FOCAD: variants seen among roughly 807,000 people sequenced by gnomAD.
FOCAD encodes KIAA1797.
FOCAD carries 198 observed loss-of-function variants against 225.6 expected under a neutral mutation model. The ratio of observed to expected loss-of-function variants is 0.88; its 90% confidence interval spans 0.78 to 0.99. FOCAD has a LOEUF of 0.99. Among genes scored for constraint, FOCAD ranks in the 50% least tolerant of loss-of-function variants. The pLI, the probability that FOCAD is intolerant of heterozygous loss-of-function variation, is 0.00. For synonymous variants in FOCAD, 897 were observed against 755.0 expected (o/e 1.19, Z -3.08); for missense variants, 2,713 against 2,123.6 (o/e 1.28, Z -5.46).
chr9:20,840,681 G>T (rs553466603), intron 15 of FOCAD, among the ~76,000 whole-genome samples: 1 of 151,052 alleles, frequency 6.6e-6, no homozygotes, highest in Non-Finnish European at 1.5e-5. Flanking sequence ...TGCAAAATAA[G>T]GTAATTTGAC....
At chr9:20,771,488 G>A (rs1046814544) in intron 8 of FOCAD, among the ~76,000 whole-genome samples, 3 of 152,212 alleles carry the variant, frequency 2.0e-5, no homozygotes, top group Non-Finnish European at 4.4e-5. Flanking sequence ...GTTGGGTGCA[G>A]TGGCTCTCAC....
intron 1 of FOCAD, among the ~76,000 whole-genome samples, chr9:20,693,602 A>G (rs1208571880): frequency 6.6e-6 from 1 of 152,230 alleles, no homozygotes; most frequent in East Asian, 1.9e-4. Context: ...AAGGTACTGC[A>G]ACCTTTTTCA....
At chr9:20,742,857 A>G (rs1377216666) in intron 5 of FOCAD, among the ~76,000 whole-genome samples, 3 of 152,238 alleles carry the variant, frequency 2.0e-5, no homozygotes, top group East Asian at 1.9e-4. Context: ...AATTGGATAC[A>G]TAGGCTTGTC....
At chr9:20,911,252 T>C (rs957775120) in intron 22 of FOCAD, among the ~76,000 whole-genome samples, 1 of 152,090 alleles carries the variant, frequency 6.6e-6, no homozygotes, top group African/African-American at 2.4e-5. Flanking sequence ...ATTGATATGA[T>C]TGAAGCAAAT....
intron 18 of FOCAD, among the ~76,000 whole-genome samples, chr9:20,872,584 C>T (rs1233939480): frequency 2.0e-5 from 3 of 149,796 alleles, no homozygotes; most frequent in African/African-American, 4.9e-5. Flanking sequence ...CTCCCTCTCT[C>T]CCTCCATAGC....
chr9:20,841,543 CAT>C (rs754514110), intron 15 of FOCAD, among the ~76,000 whole-genome samples: 38 of 151,844 alleles, frequency 2.5e-4, no homozygotes, highest in Non-Finnish European at 4.4e-4. Flanking sequence ...AATTTATTGT[CAT>C]ATAGTTGCTC....
chr9:20,796,671 T>G (rs951784268), intron 11 of FOCAD, among the ~76,000 whole-genome samples: 1 of 152,232 alleles, frequency 6.6e-6, no homozygotes, highest in Admixed American at 6.5e-5. Flanking sequence ...TGTTTGTTTT[T>G]TTCTTGTAAA....
chr9:20,843,130 A>G (rs1249602945), intron 15 of FOCAD, among the ~76,000 whole-genome samples: 1 of 152,062 alleles, frequency 6.6e-6, no homozygotes, highest in Non-Finnish European at 1.5e-5. Flanking sequence ...TCAAGATATG[A>G]GTAGTGTACA....
intron 35 of FOCAD, among the ~76,000 whole-genome samples, chr9:20,969,093 ATCTGT>A (rs1475791509): frequency 4.6e-5 from 7 of 152,032 alleles, no homozygotes; most frequent in Admixed American, 1.3e-4. Flanking sequence ...TTTTTTGGAA[ATCTGT>A]TCTTGATTTC....
At chr9:20,791,108 A>G (rs1414375804) in intron 11 of FOCAD, among the ~76,000 whole-genome samples, 1 of 152,150 alleles carries the variant, frequency 6.6e-6, no homozygotes, top group Non-Finnish European at 1.5e-5. Context: ...TAATGCAGAT[A>G]ATGCCTGGAG....
In FOCAD at chr9:20,693,029, G is replaced by T. The variant is rs573872659; in HGVS notation, c.-33+8736G>T. Among the ~76,000 whole-genome samples, 5 of 152,270 alleles carry T rather than the reference G, an allele frequency of 3.3e-5. No homozygotes were observed. In the South Asian group the frequency reaches 1.0e-3, roughly 32 times the overall value. On this transcript the variant is annotated intron_variant, in intron 1 of 43. Coordinates refer to ENST00000338382, the MANE Select transcript of FOCAD (RefSeq NM_001375567.1). ...AGCCAGAGTGATTTTATAAAAACGT[G>T]AGTTAGATCTCTTCTCTGCCCCAAA... is the stretch of plus-strand genomic sequence containing the variant.
At chr9:20,787,119 C>G (rs115298797) in intron 10 of FOCAD, 3 of 231,958 alleles carry the variant, frequency 1.3e-5, no homozygotes, top group South Asian at 1.0e-4. Context: ...AACTTAAGAG[C>G]CTAAACCTGG....
intron 41 of FOCAD, among the ~76,000 whole-genome samples, chr9:20,989,502 A>C (rs572622679): frequency 1.3e-5 from 2 of 152,276 alleles, no homozygotes; most frequent in South Asian, 4.1e-4. Flanking sequence ...ATCTAAATGG[A>C]TAGATCCTGG....
Position 20,948,896 on chromosome 9 carries a change from G to C in FOCAD, c.3844G>C (p.Ala1282Pro), listed in dbSNP as rs965510356. The change falls in exon 32 of 44, where the codon GCC (alanine) becomes CCC (proline). Residue 1282 changes from alanine (A) to proline (P), a missense_variant. Transcript: ENST00000338382. ...TCTGGCAGCTCTTCATGGCATGGTG[G>C]CCTTGGTAGGCTCTGAAGGGGATGT... ...LCLAALHGMV[A>P]LVGSEGDVMQ... The C allele has an allele frequency of 6.2e-7, 1 of 1,613,404 alleles. No individual in the cohort carries two copies. Among genetic ancestry groups the C allele is most frequent in the Admixed American group, 1.7e-5 (1 of 59,980 alleles).
chr9:20,970,582 T>C (rs1000129533), intron 35 of FOCAD, among the ~76,000 whole-genome samples: 11 of 152,068 alleles, frequency 7.2e-5, no homozygotes, highest in Non-Finnish European at 1.2e-4. Flanking sequence ...TTTTCTTGTA[T>C]TGTTCTCCTG....
chr9:20,737,311 G>A (rs1827226545), intron 4 of FOCAD, among the ~76,000 whole-genome samples: 1 of 152,168 alleles, frequency 6.6e-6, no homozygotes, highest in African/African-American at 2.4e-5. Flanking sequence ...AAAAACCATA[G>A]ATCTGTTATC....
chr9:20,972,178 G>A (rs1839826000), intron 35 of FOCAD, among the ~76,000 whole-genome samples: 1 of 152,050 alleles, frequency 6.6e-6, no homozygotes, highest in Non-Finnish European at 1.5e-5. Context: ...AAAATAATGT[G>A]TAAATTTTTA....
rs10119490 is a variant in FOCAD at position 20,963,753 on chromosome 9, A to G, written c.4132+10688A>G. 3.3e-3 allele frequency among the ~76,000 whole-genome samples: 501 copies of G among 152,334 alleles called. 8 individuals are homozygous for G. Among genetic ancestry groups the G allele is most frequent in the African/African-American group, 0.012 (488 of 41,576 alleles). On this transcript the variant is annotated intron_variant, in intron 35 of 43. Coordinates refer to ENST00000338382, the MANE Select transcript of FOCAD (RefSeq NM_001375567.1). ...CTTTTTTGTGAAATCAAAGACTGCA[A>G]TCTGCAGCCAATGTTGTGTAGAGAT...
chr9:20,959,668 C>T (rs927697035), intron 35 of FOCAD, among the ~76,000 whole-genome samples: 15 of 152,108 alleles, frequency 9.9e-5, no homozygotes, highest in Middle Eastern at 3.4e-3. Flanking sequence ...CATTTTGTGT[C>T]TTACATTTAT....
Sources: gnomAD v4.1 joint callset for allele counts (sites outside exome capture counted in the v4.1 genomes callset) on GRCh38, gnomAD v4.1.1 for gene constraint, MANE v1.5 for transcripts, NCBI Gene and HGNC (gene_info 2026-07-23, HGNC 2026-07-21) for gene names.